The following SV2C variants were observed in gnomAD, a reference collection of about 807,000 sequenced individuals.
The protein encoded by SV2C is synaptic vesicle glycoprotein 2C, also known as solute carrier family 22 member B3.
In SV2C, 49 loss-of-function variants were observed where a neutral mutation model predicts 79.7. The ratio of observed to expected loss-of-function variants is 0.61; its 90% confidence interval spans 0.49 to 0.78. The LOEUF is 0.78. Among genes scored for constraint, SV2C ranks in the 30% least tolerant of loss-of-function variants. SV2C has a pLI of 0.00. For missense variants in SV2C, 833 were observed against 912.9 expected (o/e 0.91, Z 1.13); for synonymous variants, 334 against 333.2 (o/e 1.00, Z -0.03).
At chr5:76,077,900 C>A in the SV2C span, among the ~76,000 whole-genome samples, 1 of 152,092 alleles carries the variant, frequency 6.6e-6, no homozygotes, top group Non-Finnish European at 1.5e-5. Context: ...AGCATGGAGA[C>A]CAACCCCTTG....
chr5:75,936,052 A>C, the SV2C span, among the ~76,000 whole-genome samples: 4 of 152,320 alleles, frequency 2.6e-5, no homozygotes, highest in Admixed American at 1.3e-4. Context: ...ATGTGACATT[A>C]GGGTATATTT....
intron 4 of SV2C, among the ~76,000 whole-genome samples, chr5:76,283,096 C>T (rs775504418): frequency 2.6e-5 from 4 of 151,822 alleles, no homozygotes; most frequent in Non-Finnish European, 4.4e-5. Flanking sequence ...GGGCAGATCA[C>T]GAGATCAGGA....
chr5:75,895,165 C>T, the SV2C span, among the ~76,000 whole-genome samples: 1 of 152,148 alleles, frequency 6.6e-6, no homozygotes, highest in East Asian at 1.9e-4. Context: ...GCAACAACAA[C>T]AAATCCTGGA....
chr5:76,035,902 A>C, the SV2C span, among the ~76,000 whole-genome samples: 1 of 152,106 alleles, frequency 6.6e-6, no homozygotes, highest in African/African-American at 2.4e-5. Context: ...TAGGTCACTC[A>C]GGACTTGCTT....
At chr5:75,911,081 G>A in the SV2C span, 36 of 1,371,348 alleles carry the variant, frequency 2.6e-5, no homozygotes, top group Admixed American at 1.3e-4. Context: ...GGAACCTGAT[G>A]CAGCCCGGGG....
chr5:76,272,151 A>G (rs1272637522), intron 4 of SV2C, among the ~76,000 whole-genome samples: 1 of 152,190 alleles, frequency 6.6e-6, no homozygotes, highest in African/African-American at 2.4e-5. Context: ...AAGTTAGCAG[A>G]GGTATACAAG....
At chr5:76,228,102 A>G (rs150835903) in intron 4 of SV2C, among the ~76,000 whole-genome samples, 215 of 151,274 alleles carry the variant, frequency 1.4e-3, no homozygotes, top group African/African-American at 4.9e-3. Flanking sequence ...TGTGACTCAC[A>G]TTTTTTTCTA....
At position 76,141,700 on chromosome 5, in the gene SV2C, T is replaced by G. The variant is rs376958563; in HGVS notation, c.580+9370T>G. 1.6e-4 allele frequency among the ~76,000 whole-genome samples: 25 copies of G among 151,586 alleles called. No individual in the cohort carries two copies. The East Asian group carries it at 4.9e-3, about 29-fold the overall frequency. Reference sequence around the variant, plus strand: ...TTAGCCAGGCGTGGTGGTATGTGCCTGTAGTCCCAGCTACTCAGGAGGCTG... The same window carrying G: ...TTAGCCAGGCGTGGTGGTATGTGCCGGTAGTCCCAGCTACTCAGGAGGCTG... On this transcript the variant is annotated intron_variant, in intron 2 of 12. Coordinates refer to ENST00000502798, the MANE Select transcript of SV2C (RefSeq NM_014979.4).
chr5:75,982,225 A>T, the SV2C span, among the ~76,000 whole-genome samples: 11 of 116,992 alleles, frequency 9.4e-5, no homozygotes, highest in Middle Eastern at 4.3e-3. Context: ...AAACTTAATT[A>T]AAAAAATAAA....
intron 2 of SV2C, among the ~76,000 whole-genome samples, chr5:76,164,451 T>C (rs564593957): frequency 1.2e-4 from 19 of 152,294 alleles, no homozygotes; most frequent in African/African-American, 4.6e-4. Context: ...TGGAAAACAA[T>C]TGCCAAAGGA....
chr5:76,238,166 G>C (rs1205318619), intron 4 of SV2C, among the ~76,000 whole-genome samples: 1 of 151,352 alleles, frequency 6.6e-6, no homozygotes, highest in Admixed American at 6.6e-5. Flanking sequence ...CTAATATTTT[G>C]ATCTCCTCAT....
chr5:76,043,379 C>CCTCA, the SV2C span, among the ~76,000 whole-genome samples: 13 of 152,290 alleles, frequency 8.5e-5, no homozygotes, highest in Middle Eastern at 0.024. Context: ...CTTTCTCACT[C>CCTCA]CTCACTTGCT....
chr5:76,238,027 TACACACACACACACAC>T (rs796926428), intron 4 of SV2C, among the ~76,000 whole-genome samples: 1 of 122,926 alleles, frequency 8.1e-6, no homozygotes, highest in African/African-American at 2.7e-5. Context: ...CAATCACACA[TACACACACACACACAC>T]ACACACACAC....
Position 76,292,207 on chromosome 5 carries a change from G to A in SV2C, c.1337+351G>A, listed in dbSNP as rs192281320. ...ACAGTTCCCATCTCGGGCCTTTGCG[G>A]TGTTCCTCTGCCTGAGTTGCTTTCC... On this transcript the variant is annotated intron_variant, in intron 8 of 12. Coordinates refer to ENST00000502798, the MANE Select transcript of SV2C (RefSeq NM_014979.4). Among the ~76,000 whole-genome samples the A allele has an allele frequency of 7.9e-5, 12 of 152,150 alleles. 1 individual carries two copies. The highest frequency in any genetic ancestry group is 3.4e-3 in the Middle Eastern group (1 of 292).
chr5:75,922,386 A>T, the SV2C span, among the ~76,000 whole-genome samples: 7 of 152,162 alleles, frequency 4.6e-5, no homozygotes, highest in African/African-American at 1.7e-4. Context: ...AAATTAATAA[A>T]ATTAAATAAA....
the SV2C span, chr5:75,911,099 A>C: frequency 1.4e-6 from 2 of 1,456,694 alleles, no homozygotes; most frequent in East Asian, 4.5e-5. Context: ...GGGGAAGATA[A>C]TTCTGAGATC....
chr5:75,902,943 T>G, the SV2C span, among the ~76,000 whole-genome samples: 277 of 152,266 alleles, frequency 1.8e-3, 2 homozygotes, highest in African/African-American at 6.1e-3. Flanking sequence ...ATGTTGACTG[T>G]GCACTGGGTG....
downstream of SV2C, among the ~76,000 whole-genome samples, chr5:76,334,662 A>G (rs1301340996): frequency 6.6e-6 from 1 of 152,196 alleles, no homozygotes; most frequent in Non-Finnish European, 1.5e-5. Flanking sequence ...AAGGAGAACT[A>G]GTCCCTCTTT....
At chr5:76,192,576 A>G (rs960532830) in intron 2 of SV2C, among the ~76,000 whole-genome samples, 4 of 152,222 alleles carry the variant, frequency 2.6e-5, no homozygotes, top group African/African-American at 9.6e-5. Flanking sequence ...CAAACAGGGA[A>G]GGAAATACAG....
Sources: gnomAD v4.1 joint callset for allele counts (sites outside exome capture counted in the v4.1 genomes callset) on GRCh38, gnomAD v4.1.1 for gene constraint, MANE v1.5 for transcripts, NCBI Gene and HGNC (gene_info 2026-07-23, HGNC 2026-07-21) for gene names.